Variants in LOXL3 observed in about 807,000 individuals in gnomAD.
LOXL3 encodes the protein lysyl oxidase homolog 3.
Under a neutral mutation model 91.8 loss-of-function variants are expected in LOXL3, and 60 were observed. The ratio of observed to expected loss-of-function variants is 0.65; its 90% CI spans 0.53 to 0.81. The LOEUF is 0.81. Among genes scored for constraint, LOXL3 ranks in the 30% least tolerant of loss-of-function variants. LOXL3 has a pLI of 0.00. For synonymous variants in LOXL3, 355 were observed against 387.6 expected (o/e 0.92, Z 0.99); for missense variants, 874 against 1,000.4 (o/e 0.87, Z 1.70).
intron 4 of LOXL3, among the ~76,000 whole-genome samples, chr2:74,548,467 C>T (rs1676745458): frequency 6.6e-6 from 1 of 152,142 alleles, no homozygotes; most frequent in Non-Finnish European, 1.5e-5. Flanking sequence ...AGGATTTCTA[C>T]AGTAGCTGGC....
At chr2:74,540,662 TC>T (rs1676273804) in intron 4 of LOXL3, among the ~76,000 whole-genome samples, 1 of 146,536 alleles carries the variant, frequency 6.8e-6, no homozygotes, top group East Asian at 1.9e-4. Flanking sequence ...AAATAATTTT[TC>T]CTTTTTTTTT....
chr2:74,550,118 C>T lies in LOXL3; in HGVS notation c.477+67G>A, dbSNP rs577511968. 223 of 1,531,986 alleles carry T rather than the reference C, an allele frequency of 1.5e-4. 2 individuals are homozygous for T. The African/African-American group carries it at 2.7e-3, about 19-fold the overall frequency. 94.9% of individuals were successfully genotyped at this position (1,531,986 alleles called of 1,614,324 possible). On this transcript the variant is annotated intron_variant, in intron 3 of 13. Transcript: ENST00000264094. ...GGGTAACTACCTTCTAATGTCTCCG[C>T]TAACCACCCCACAGTACTCTCGGCT...
chr2:74,533,122 G>C lies in LOXL3; in HGVS notation c.*484C>G. On this transcript the variant is annotated 3_prime_UTR_variant, in exon 14 of 14. Coordinates refer to ENST00000264094, the MANE Select transcript of LOXL3 (RefSeq NM_032603.5). ...TCCAACCACCAGCACTGACTCCTGG[G>C]CTCTGAAGAATCACAGAAACACTTT... is the stretch of plus-strand genomic sequence containing the variant. The C allele has an allele frequency of 1.4e-6, 1 of 715,770 alleles. No homozygotes were observed. The highest frequency in any genetic ancestry group is 2.6e-5 in the Admixed American group (1 of 38,202). 44.3% of individuals were successfully genotyped at this position (715,770 alleles called of 1,614,324 possible).
chr2:74,545,957 C>T (rs1483094080), intron 4 of LOXL3, among the ~76,000 whole-genome samples: 1 of 152,164 alleles, frequency 6.6e-6, no homozygotes, highest in Non-Finnish European at 1.5e-5. Flanking sequence ...GGTCTAAAAC[C>T]AAGTTCCTAC....
At chr2:74,539,123 G>A (rs1442760431) in intron 4 of LOXL3, among the ~76,000 whole-genome samples, 1 of 152,128 alleles carries the variant, frequency 6.6e-6, no homozygotes, top group African/African-American at 2.4e-5. Context: ...CTCTTGTGTG[G>A]CCCCCTGACC....
chr2:74,534,254 T>C lies in LOXL3; in HGVS notation c.1940-18A>G, dbSNP rs1381168469. 1.2e-6 allele frequency: 2 copies of C among 1,614,196 alleles called. No individual in the cohort carries two copies. Among genetic ancestry groups the C allele is most frequent in the East Asian group, 2.2e-5 (1 of 44,878 alleles). The stretch of plus-strand genomic sequence containing the variant: ...GGAGACATCTGGAGGGATTGGCATA[T>C]GTCAGTGTAAGGAAAGGCTGTGCAA... On this transcript the variant is annotated intron_variant, in intron 11 of 13. Coordinates refer to ENST00000264094, the MANE Select transcript of LOXL3 (RefSeq NM_032603.5).
At position 74,536,360 on chromosome 2, in the gene LOXL3, T is replaced by G. The variant is rs1461186557; in HGVS notation, c.1024A>C (p.Ser342Arg). The change falls in exon 6 of 14, where the codon AGC becomes CGC. Residue 342 changes from serine (S) to arginine (R), a missense_variant. By Grantham distance (110) the Ser-to-Arg change is moderately radical (BLOSUM62 -1). Transcript: ENST00000264094. This position sits in a 1 kb window ranked among gnomAD's most constrained non-coding sequence, Gnocchi z 4.5. ...AAGCCCAGCTCCCGACACACCACGC[T>G]GGCTGCATGCAGGTCCCACTTGCGG... ...CDRKWDLHAA[S>R]VVCRELGFGS... The G allele has an allele frequency of 6.2e-7, 1 of 1,614,070 alleles. No individual in the cohort carries two copies.
rs1230044086 is a variant in LOXL3 at position 74,533,486 on chromosome 2, T to C, written c.*120A>G. ...CTTCTGCTTGACAGTTCCACATCCA[T>C]AGTGCATGGTCTGATGAGTGCGGTT... On this transcript the variant is annotated 3_prime_UTR_variant, in exon 14 of 14. Coordinates refer to ENST00000264094, the MANE Select transcript of LOXL3 (RefSeq NM_032603.5). 3 of 797,416 alleles carry C rather than the reference T, an allele frequency of 3.8e-6. No individual in the cohort carries two copies. Among genetic ancestry groups the C allele is most frequent in the African/African-American group, 1.7e-5 (1 of 58,120 alleles). The allele number at this position is 797,416 out of a possible 1,614,324, so 49.4% of individuals were successfully genotyped here. A position where few individuals can be genotyped will look rare whatever the true frequency, so the allele number is the denominator to read the frequency against.
At chr2:74,540,214 G>T (rs926772044) in intron 4 of LOXL3, among the ~76,000 whole-genome samples, 2 of 152,198 alleles carry the variant, frequency 1.3e-5, no homozygotes, top group Admixed American at 6.5e-5. Flanking sequence ...AGAAGTGAAG[G>T]CCGTGGACTC....
intron 4 of LOXL3, among the ~76,000 whole-genome samples, chr2:74,544,818 G>A (rs1025119998): frequency 2.0e-5 from 3 of 151,944 alleles, no homozygotes; most frequent in African/African-American, 7.3e-5. Context: ...TTTCATAATT[G>A]TAATAATTGT....
rs755651920 is a variant in LOXL3, at chr2:74,534,386, G to T, written c.1869C>A (p.Thr623=). 3.1e-6 allele frequency: 5 copies of T among 1,614,246 alleles called. No homozygotes were observed. The East Asian group carries it at 6.7e-5, about 22-fold the overall frequency. The change falls in exon 11 of 14, where the codon ACC becomes ACA. Residue 623 remains threonine (T), a synonymous_variant. Transcript: ENST00000264094. The stretch of plus-strand genomic sequence containing the variant: ...CCTCAGCCACCTTGGTGCCATTTGG[G>T]GTGAGGATATCATAGTGAGTGAAGA... The part of the protein sequence containing the change: ...MDIFTHYDIL[T]PNGTKVAEGH...
chr2:74,555,178 C>T, upstream of LOXL3: 7 of 1,613,040 alleles, frequency 4.3e-6, no homozygotes, highest in Non-Finnish European at 5.9e-6. This position sits in a 1 kb window ranked among gnomAD's most constrained non-coding sequence, Gnocchi z 6.1. Flanking sequence ...CTGGGCCGTG[C>T]TCTACCCGGC....
upstream of LOXL3, chr2:74,554,969 C>G: frequency 7.1e-7 from 1 of 1,417,530 alleles, no homozygotes; most frequent in Non-Finnish European, 9.7e-7. This position sits in a 1 kb window ranked among gnomAD's most constrained non-coding sequence, Gnocchi z 4.9. Flanking sequence ...TCCCGGGAAG[C>G]GTCTGTAGTC....
upstream of LOXL3, chr2:74,554,579 A>C (rs1677257975): frequency 4.8e-6 from 3 of 622,938 alleles, no homozygotes; most frequent in Non-Finnish European, 8.3e-6. The surrounding 1 kb of genome is among the most constrained non-coding windows in gnomAD (Gnocchi z 4.9). Context: ...GCTCCCGGCT[A>C]ATCCGGGGGT....
At chr2:74,540,288 C>G (rs1056078391) in intron 4 of LOXL3, among the ~76,000 whole-genome samples, 5 of 152,196 alleles carry the variant, frequency 3.3e-5, no homozygotes, top group Non-Finnish European at 7.3e-5. Context: ...GTAAGGACTC[C>G]TGAGTCCAGA....
In LOXL3 at chr2:74,533,617, G is replaced by C; in HGVS notation, c.2251C>G (p.Gln751Glu). 1 of 1,614,032 alleles carries C rather than the reference G, an allele frequency of 6.2e-7. No homozygotes were observed. The highest frequency in any genetic ancestry group is 8.5e-7 in the Non-Finnish European group (1 of 1,179,978). The change falls in exon 14 of 14, where the codon CAG becomes GAG. Residue 751 changes from glutamine (Q) to glutamate (E), a missense_variant. Physicochemically the swap from Gln to Glu is conservative, Grantham distance 29. Coordinates refer to ENST00000264094, the MANE Select transcript of LOXL3 (RefSeq NM_032603.5). Reference protein sequence around the residue: ...FERYPGQTSNQII With the variant: ...FERYPGQTSNEII The stretch of plus-strand genomic sequence containing the variant: ...GAGGGCAGTGGCACTTAGATAATCT[G>C]GTTGCTGGTCTGGCCAGGGTAGCGT...
Position 74,535,881 on chromosome 2 carries a change from G to A in LOXL3, c.1248+115C>T. 6.8e-7 allele frequency: 1 copy of A among 1,472,476 alleles called. No homozygotes were observed. Among genetic ancestry groups the A allele is most frequent in the African/African-American group, 1.4e-5 (1 of 71,014 alleles). 91.2% of individuals were successfully genotyped at this position (1,472,476 alleles called of 1,614,324 possible). ...CTAGCAAGTGATGGGTCAGGTGGGA[G>A]CTGCAGGAGGGCAGGGGCCTGGGGC... On this transcript the variant is annotated intron_variant, in intron 7 of 13. Transcript: ENST00000264094. This position sits in a 1 kb window ranked among gnomAD's most constrained non-coding sequence, Gnocchi z 4.2.
upstream of LOXL3, chr2:74,555,608 C>G: frequency 6.2e-7 from 1 of 1,614,214 alleles, no homozygotes; most frequent in Non-Finnish European, 8.5e-7. This position sits in a 1 kb window ranked among gnomAD's most constrained non-coding sequence, Gnocchi z 6.1. Context: ...TACCGATAAC[C>G]CACCTAAGCT....
chr2:74,534,518 C>A lies in LOXL3; in HGVS notation c.1823+13G>T, dbSNP rs1379702879. 6.2e-6 allele frequency: 10 copies of A among 1,613,966 alleles called. No homozygotes were observed. The highest frequency in any genetic ancestry group is 1.3e-5 in the African/African-American group (1 of 74,926). On this transcript the variant is annotated intron_variant, in intron 10 of 13. Transcript: ENST00000264094. ...GTGGTCTTGCCCTTCTACTTGACTCCCTACCCTCTCACCCATGGCACTCGT... is the reference window on the plus strand; with the variant it reads ...GTGGTCTTGCCCTTCTACTTGACTCACTACCCTCTCACCCATGGCACTCGT...
Sources: gnomAD v4.1 joint callset for allele counts (sites outside exome capture counted in the v4.1 genomes callset) on GRCh38, gnomAD v4.1.1 for gene constraint, Gnocchi (gnomAD v3.1) non-coding constraint, MANE v1.5 for transcripts, NCBI Gene and HGNC (gene_info 2026-07-23, HGNC 2026-07-21) for gene names.